Variants in CACNB2 observed in about 807,000 individuals in gnomAD.
The protein encoded by CACNB2 is voltage-dependent L-type calcium channel subunit beta-2.
A neutral mutation model predicts 73.3 loss-of-function variants in CACNB2; 42 were observed. The observed-to-expected ratio is 0.57, with a 90% confidence interval of 0.45 to 0.74. The LOEUF is 0.74. Among genes scored for constraint, CACNB2 ranks in the 30% least tolerant of loss-of-function variants. The pLI, the probability that CACNB2 is intolerant of heterozygous loss-of-function variation, is 0.00. For synonymous variants in CACNB2, 348 were observed against 310.3 expected, an observed-to-expected ratio of 1.12 and a Z score of -1.28; for missense variants, 940 against 853.0, an observed-to-expected ratio of 1.10 and a Z score of -1.27.
intron 4 of CACNB2, among the ~76,000 whole-genome samples, chr10:18,499,987 G>T (rs1419176712): frequency 6.6e-5 from 10 of 151,892 alleles, no homozygotes; most frequent in Non-Finnish European, 7.4e-5. Flanking sequence ...AAATAGAAGA[G>T]CCTAGAGAAT....
chr10:18,352,805 G>T (rs2041764303), intron 2 of CACNB2, among the ~76,000 whole-genome samples: 1 of 152,116 alleles, frequency 6.6e-6, no homozygotes, highest in Admixed American at 6.6e-5. Context: ...TAGTATATTG[G>T]ATTTTCTCAT....
chr10:18,189,929 C>T (rs1387575184), intron 2 of CACNB2, among the ~76,000 whole-genome samples: 10 of 152,146 alleles, frequency 6.6e-5, no homozygotes. Flanking sequence ...ACACCCTGGG[C>T]ACCTTGAAGA....
At chr10:18,515,147 T>C (rs2096249646) in intron 7 of CACNB2, 5 of 900,636 alleles carry the variant, frequency 5.6e-6, no homozygotes, top group African/African-American at 1.6e-5. Flanking sequence ...CCAGTGGTCA[T>C]GCGTAGAGCC....
At chr10:18,301,200 G>A (rs1264613672) in intron 2 of CACNB2, among the ~76,000 whole-genome samples, 2 of 152,126 alleles carry the variant, frequency 1.3e-5, no homozygotes, top group Admixed American at 6.5e-5. Flanking sequence ...TACATTTATC[G>A]TTGTTATTAA....
At chr10:18,387,810 G>A (rs1030914622) in intron 2 of CACNB2, among the ~76,000 whole-genome samples, 4 of 151,510 alleles carry the variant, frequency 2.6e-5, no homozygotes, top group African/African-American at 9.7e-5. Context: ...AGGCTGGGGT[G>A]CAGTGGTACA....
chr10:18,281,427 C>T (rs1176816177), intron 2 of CACNB2, among the ~76,000 whole-genome samples: 1 of 152,176 alleles, frequency 6.6e-6, no homozygotes, highest in Admixed American at 6.5e-5. Flanking sequence ...GGATTGCCGT[C>T]TAATTAGTAA....
intron 2 of CACNB2, among the ~76,000 whole-genome samples, chr10:18,320,530 G>T (rs1287629528): frequency 6.6e-6 from 1 of 152,202 alleles, no homozygotes; most frequent in Non-Finnish European, 1.5e-5. Flanking sequence ...GCAGTAGAAT[G>T]TGATGTTTGA....
At chr10:18,499,683 G>C (rs2050078650) in intron 4 of CACNB2, among the ~76,000 whole-genome samples, 1 of 146,244 alleles carries the variant, frequency 6.8e-6, no homozygotes, top group African/African-American at 2.5e-5. Flanking sequence ...TGTAATCCAA[G>C]CACTAAGAAC....
intron 1 of CACNB2, among the ~76,000 whole-genome samples, chr10:18,145,323 C>G (rs1045025320): frequency 6.6e-6 from 1 of 152,184 alleles, no homozygotes; most frequent in Non-Finnish European, 1.5e-5. Context: ...GAGTTTTCTG[C>G]AGTCTCCAAA....
At chr10:18,454,085 C>G (rs2047148905) in intron 3 of CACNB2, among the ~76,000 whole-genome samples, 2 of 152,142 alleles carry the variant, frequency 1.3e-5, no homozygotes, top group Non-Finnish European at 2.9e-5. Context: ...AAGACAGTCT[C>G]TATTCTCTTG....
chr10:18,276,147 A>G (rs564324688), intron 2 of CACNB2, among the ~76,000 whole-genome samples: 4 of 152,350 alleles, frequency 2.6e-5, no homozygotes, highest in Non-Finnish European at 5.9e-5. Context: ...AAAAGATTAG[A>G]ACTGTTACAG....
intron 3 of CACNB2, among the ~76,000 whole-genome samples, chr10:18,464,972 C>T (rs1441065494): frequency 6.6e-6 from 1 of 152,152 alleles, no homozygotes; most frequent in African/African-American, 2.4e-5. Flanking sequence ...CAGGTGACTT[C>T]GTCTTGGGAC....
chr10:18,511,957 T>A (rs544554164), intron 6 of CACNB2, among the ~76,000 whole-genome samples: 2 of 152,178 alleles, frequency 1.3e-5, no homozygotes, highest in Non-Finnish European at 2.9e-5. Flanking sequence ...AAATTTTGAG[T>A]TTTTTAATCT....
chr10:18,285,168 T>C (rs1241120551), intron 2 of CACNB2, among the ~76,000 whole-genome samples: 1 of 152,184 alleles, frequency 6.6e-6, no homozygotes, highest in Non-Finnish European at 1.5e-5. Flanking sequence ...CCATGAGCCA[T>C]ATACCCTGTA....
intron 2 of CACNB2, among the ~76,000 whole-genome samples, chr10:18,189,951 T>C (rs1343708037): frequency 2.0e-5 from 3 of 152,220 alleles, no homozygotes; most frequent in African/African-American, 7.2e-5. Context: ...ACTGTGTTTT[T>C]AGACAGTTGA....
At chr10:18,285,025 G>T (rs770432496) in intron 2 of CACNB2, among the ~76,000 whole-genome samples, 17 of 152,152 alleles carry the variant, frequency 1.1e-4, no homozygotes, top group Non-Finnish European at 1.8e-4. Flanking sequence ...TATTGGAGAC[G>T]TAAGTGAGAA....
At chr10:18,271,661 C>G (rs547740126) in intron 2 of CACNB2, among the ~76,000 whole-genome samples, 1 of 152,140 alleles carries the variant, frequency 6.6e-6, no homozygotes, top group African/African-American at 2.4e-5. Context: ...GGTAGCCGTT[C>G]TCTGAAGCAG....
At chr10:18,367,042 G>A (rs1295355483) in intron 2 of CACNB2, among the ~76,000 whole-genome samples, 1 of 152,194 alleles carries the variant, frequency 6.6e-6, no homozygotes, top group African/African-American at 2.4e-5. Flanking sequence ...ACTTCGAGGT[G>A]TGTACGAAAC....
chr10:18,361,325 A>G (rs566775242), intron 2 of CACNB2, among the ~76,000 whole-genome samples: 10 of 145,164 alleles, frequency 6.9e-5, no homozygotes, highest in Admixed American at 2.1e-4. Context: ...CCCTGTCTCT[A>G]CAAAAAATTA....
Sources: allele counts gnomAD v4.1 joint callset (sites outside exome capture counted in the v4.1 genomes callset), GRCh38; gene constraint gnomAD v4.1.1; transcripts MANE v1.5; gene names NCBI Gene and HGNC (gene_info 2026-07-23, HGNC 2026-07-21).